Variants in ABAT observed in about 807,000 individuals in gnomAD.
ABAT encodes the protein 4-aminobutyrate aminotransferase, mitochondrial.
In ABAT, 45 loss-of-function variants were observed where a neutral mutation model predicts 64.6. The observed-to-expected ratio is 0.70, with a 90% CI of 0.55 to 0.89. The LOEUF is 0.89. ABAT is among the 40% of genes least tolerant of loss of function. The probability of loss-of-function intolerance (pLI) is 0.00; values close to 1 mark genes in which losing one functional copy is unlikely to be tolerated. For missense variants in ABAT, 633 were observed against 658.4 expected, an observed-to-expected ratio of 0.96 and a Z score of 0.42; for synonymous variants, 297 against 250.5, an observed-to-expected ratio of 1.19 and a Z score of -1.75.
At chr16:8,708,382 G>A (rs1206978770) in intron 1 of ABAT, among the ~76,000 whole-genome samples, 3 of 152,030 alleles carry the variant, frequency 2.0e-5, no homozygotes, top group African/African-American at 7.2e-5. Context: ...ATGTAACTGG[G>A]ACCACAGGTG....
intron 5 of ABAT, among the ~76,000 whole-genome samples, chr16:8,757,464 G>A (rs2059680725): frequency 6.6e-6 from 1 of 152,022 alleles, no homozygotes; most frequent in Non-Finnish European, 1.5e-5. Context: ...CACCACACGT[G>A]GCGCATTTAT....
At chr16:8,779,397 C>T (rs1239358005) in intron 14 of ABAT, 82 bp from the exon 15 acceptor site, 4 of 1,179,046 alleles carry the variant, frequency 3.4e-6, no homozygotes, top group African/African-American at 1.5e-5. Context: ...CCATGGGAGG[C>T]CTTTGACGAA....
chr16:8,782,921 A>T lies in ABAT; in HGVS notation c.*1491A>T, dbSNP rs2060472469. 1 of 151,810 alleles carries T rather than the reference A, an allele frequency of 6.6e-6. No homozygotes were observed. The highest frequency in any genetic ancestry group is 6.6e-5 in the Admixed American group (1 of 15,250). The allele number at this position is 151,810 out of a possible 1,614,324, so 9.4% of individuals were successfully genotyped here. ...TCTTTTAATAACAAATCGTCCAAAGATCTCAAAGTAAGGGTTTTTTTTTTT... is the reference window on the plus strand; with the variant it reads ...TCTTTTAATAACAAATCGTCCAAAGTTCTCAAAGTAAGGGTTTTTTTTTTT... On this transcript the variant is annotated 3_prime_UTR_variant, in exon 16 of 16. Transcript: ENST00000268251.
chr16:8,714,417 T>C (rs184650774), intron 1 of ABAT, among the ~76,000 whole-genome samples: 10 of 152,328 alleles, frequency 6.6e-5, no homozygotes, highest in Middle Eastern at 3.4e-3. Context: ...GAATCTCAGT[T>C]GACAGCCAGG....
At chr16:8,754,772 G>A (rs942326256) in intron 5 of ABAT, among the ~76,000 whole-genome samples, 1 of 150,386 alleles carries the variant, frequency 6.6e-6, no homozygotes, top group Non-Finnish European at 1.5e-5. Flanking sequence ...AGGCTGGAGT[G>A]CAGTGGCACA....
At chr16:8,737,629 A>G (rs909315222) in intron 2 of ABAT, among the ~76,000 whole-genome samples, 41 of 152,058 alleles carry the variant, frequency 2.7e-4, no homozygotes, top group Non-Finnish European at 5.1e-4. Flanking sequence ...TGTCAACACT[A>G]AGAAACTAGC....
At chr16:8,779,357 C>G in intron 14 of ABAT, 122 bp from the exon 15 acceptor site, 2 of 803,312 alleles carry the variant, frequency 2.5e-6, no homozygotes, top group South Asian at 2.9e-5. Context: ...CCTGGAGGTC[C>G]TGCCAGTCCA....
chr16:8,763,650 C>T (rs1030924862), intron 6 of ABAT, among the ~76,000 whole-genome samples: 1 of 152,202 alleles, frequency 6.6e-6, no homozygotes, highest in African/African-American at 2.4e-5. Context: ...GCAATCCATC[C>T]GCCTCGGCCT....
chr16:8,696,216 T>C (rs2057698064), intron 1 of ABAT, among the ~76,000 whole-genome samples: 1 of 152,162 alleles, frequency 6.6e-6, no homozygotes, highest in Admixed American at 6.5e-5. Flanking sequence ...CACTCCATTC[T>C]GTCCAGGACT....
chr16:8,746,268 G>A (rs891140924), intron 3 of ABAT, among the ~76,000 whole-genome samples, 170 bp downstream of exon 3: 2 of 152,124 alleles, frequency 1.3e-5, no homozygotes, highest in East Asian at 3.9e-4. Flanking sequence ...CAAAGCCAAA[G>A]AAGGGCTGGG....
intron 1 of ABAT, among the ~76,000 whole-genome samples, chr16:8,696,606 C>G (rs536473672): frequency 3.9e-5 from 6 of 152,028 alleles, no homozygotes; most frequent in African/African-American, 1.5e-4. Context: ...GGTGACACAG[C>G]GAGACTCTGT....
intron 2 of ABAT, 78 bp from the exon 3 acceptor site, chr16:8,745,923 C>T: frequency 7.3e-7 from 1 of 1,369,952 alleles, no homozygotes; most frequent in African/African-American, 1.4e-5. Context: ...CTGTTAGGGA[C>T]ATTGGGCATC....
rs576737359 is a variant in ABAT at position 8,772,940 on chromosome 16, G to A, written c.954+23G>A. 21 of 1,612,784 alleles carry A rather than the reference G, an allele frequency of 1.3e-5. No individual in the cohort carries two copies. In the South Asian group the frequency reaches 2.0e-4, roughly 15 times the overall value. On this transcript the variant is annotated intron_variant, in intron 12 of 15. Transcript: ENST00000268251. ...AAGGTCAGTGGACAGGGCCGAGGTT[G>A]GATGGAGCCATTGGGTTTTCTGGGT...
chr16:8,725,077 C>T (rs2058506039), intron 1 of ABAT, among the ~76,000 whole-genome samples: 1 of 152,026 alleles, frequency 6.6e-6, no homozygotes, highest in African/African-American at 2.4e-5. Flanking sequence ...CCACCACGCC[C>T]GGCTAATTTT....
At chr16:8,749,885 T>C (rs2059430805) in intron 4 of ABAT, among the ~76,000 whole-genome samples, 1 of 152,060 alleles carries the variant, frequency 6.6e-6, no homozygotes, top group Non-Finnish European at 1.5e-5. Context: ...GGCTAATTTT[T>C]GTATTTTTTA....
At chr16:8,754,713 TCTTTCTTTC>T in intron 5 of ABAT, among the ~76,000 whole-genome samples, 6 of 111,918 alleles carry the variant, frequency 5.4e-5, no homozygotes, top group African/African-American at 1.9e-4. Context: ...TTTCTTTCTT[TCTTTCTTTC>T]TTTTTTTTTT....
chr16:8,763,104 C>CAA (rs60199249), intron 6 of ABAT, among the ~76,000 whole-genome samples: 87 of 117,540 alleles, frequency 7.4e-4, no homozygotes, highest in African/African-American at 2.7e-3. Flanking sequence ...GACCCTGTAA[C>CAA]AAAAAAAAAA....
intron 5 of ABAT, among the ~76,000 whole-genome samples, chr16:8,752,383 G>A (rs544775412): frequency 6.6e-6 from 1 of 152,216 alleles, no homozygotes; most frequent in South Asian, 2.1e-4. Flanking sequence ...ACCCACCCCC[G>A]AGGACTCCCT....
intron 2 of ABAT, 135 bp from the exon 3 acceptor site, chr16:8,745,866 T>A: frequency 2.5e-6 from 2 of 797,012 alleles, no homozygotes; most frequent in South Asian, 2.9e-5. Flanking sequence ...AGACACAGTG[T>A]TCTGGGGTGG....
Sources: allele counts gnomAD v4.1 joint callset (sites outside exome capture counted in the v4.1 genomes callset), GRCh38; gene constraint gnomAD v4.1.1; transcripts MANE v1.5; gene names NCBI Gene and HGNC (gene_info 2026-07-23, HGNC 2026-07-21).